TAX1BP1: variants seen among roughly 807,000 people sequenced by gnomAD.
TAX1BP1 encodes the protein tax1-binding protein 1.
TAX1BP1 carries 62 observed loss-of-function variants against 97.7 expected under a neutral mutation model. The ratio of observed to expected loss-of-function variants is 0.63; its 90% CI spans 0.52 to 0.78. TAX1BP1 has a LOEUF of 0.78. TAX1BP1 is among the 30% of genes least tolerant of loss of function. The pLI is 0.00. For synonymous variants in TAX1BP1, 340 were observed against 304.2 expected (o/e 1.12, Z -1.23); for missense variants, 867 against 916.1 (o/e 0.95, Z 0.69).
At chr7:27,803,669 G>T (rs1306966709) in intron 13 of TAX1BP1, among the ~76,000 whole-genome samples, 1 of 151,880 alleles carries the variant, frequency 6.6e-6, no homozygotes, top group Non-Finnish European at 1.5e-5. Flanking sequence ...TCACCACCAT[G>T]TGCTCACAGT....
At chr7:27,771,645 T>C (rs1325043351) in intron 5 of TAX1BP1, among the ~76,000 whole-genome samples, 1 of 151,966 alleles carries the variant, frequency 6.6e-6, no homozygotes, top group Admixed American at 6.6e-5. Context: ...GAAGCAAAAC[T>C]TGTAGGACAT....
At chr7:27,751,094 T>C (rs1224802099) in intron 2 of TAX1BP1, among the ~76,000 whole-genome samples, 1 of 152,244 alleles carries the variant, frequency 6.6e-6, no homozygotes, top group Non-Finnish European at 1.5e-5. Flanking sequence ...GCTTCAGTTT[T>C]GGTCATTCCT....
At chr7:27,768,518 C>CTATG (rs1788726496) in intron 4 of TAX1BP1, among the ~76,000 whole-genome samples, 2 of 151,746 alleles carry the variant, frequency 1.3e-5, no homozygotes, top group South Asian at 4.2e-4. Flanking sequence ...CTATGTTGTG[C>CTATG]TATGTCAAGA....
intron 8 of TAX1BP1, among the ~76,000 whole-genome samples, chr7:27,789,078 G>A (rs1342423839): frequency 6.6e-6 from 1 of 151,954 alleles, no homozygotes; most frequent in Non-Finnish European, 1.5e-5. Context: ...GTACACACCA[G>A]TGTTTTCACA....
intron 13 of TAX1BP1, among the ~76,000 whole-genome samples, chr7:27,814,156 T>C (rs1790673778): frequency 6.6e-6 from 1 of 151,856 alleles, no homozygotes; most frequent in South Asian, 2.1e-4. Flanking sequence ...TTAACCTTTC[T>C]TTTTTTTCTG....
chr7:27,785,609 T>C lies in TAX1BP1; in HGVS notation c.852+120T>C. On this transcript the variant is annotated intron_variant, in intron 7 of 16. Transcript: ENST00000396319. ...GCTGAGTGGTTCTGGCTCTAGCCTC[T>C]TGTGTAGTTGCAGTCAGGATGTTGG... 3 of 768,730 alleles carry C rather than the reference T, an allele frequency of 3.9e-6. No individual in the cohort carries two copies. The South Asian group carries it at 5.5e-5, about 14-fold the overall frequency. The allele number at this position is 768,730 out of a possible 1,614,324, so 47.6% of individuals were successfully genotyped here. A position where few individuals can be genotyped will look rare whatever the true frequency, so the allele number is the denominator to read the frequency against.
Position 27,799,995 on chromosome 7 carries a change from G to C in TAX1BP1, c.1669G>C (p.Asp557His). The change falls in exon 13 of 17, where the codon GAT becomes CAT. Residue 557 changes from aspartate to histidine, a missense_variant. Transcript: ENST00000396319. ...DEKAKCNKYA[D>H]ELAKMELKWK... ...GAAAGCAAAATGCAATAAATATGCT[G>C]ATGAACTTGCAAAAATGGAGCTGAA... 1 of 1,602,076 alleles carries C rather than the reference G, an allele frequency of 6.2e-7. No homozygotes were observed. Among genetic ancestry groups the C allele is most frequent in the South Asian group, 1.1e-5 (1 of 87,962 alleles).
At chr7:27,746,268 A>G (rs1787811973) in intron 1 of TAX1BP1, among the ~76,000 whole-genome samples, 2 of 152,120 alleles carry the variant, frequency 1.3e-5, no homozygotes, top group Admixed American at 1.3e-4. Flanking sequence ...CACTTCATAG[A>G]AAAATATTAT....
At chr7:27,775,235 A>G (rs913542304) in intron 5 of TAX1BP1, among the ~76,000 whole-genome samples, 2 of 152,164 alleles carry the variant, frequency 1.3e-5, no homozygotes, top group Non-Finnish European at 2.9e-5. Context: ...AAATTGTGGG[A>G]AAAAATCAGC....
At chr7:27,827,330 G>T (rs996086708) in intron 15 of TAX1BP1, among the ~76,000 whole-genome samples, 3 of 151,618 alleles carry the variant, frequency 2.0e-5, no homozygotes, top group Admixed American at 2.0e-4. Context: ...TCCAGCCTGG[G>T]TGACAGAGTG....
intron 1 of TAX1BP1, among the ~76,000 whole-genome samples, chr7:27,746,437 A>G (rs369018439): frequency 7.2e-6 from 1 of 138,182 alleles, no homozygotes; most frequent in African/African-American, 2.7e-5. Context: ...TTCCTTTGTG[A>G]AGCCAGTGAC....
intron 13 of TAX1BP1, among the ~76,000 whole-genome samples, chr7:27,810,180 T>TA (rs1476506002): frequency 1.3e-5 from 2 of 152,108 alleles, no homozygotes; most frequent in African/African-American, 4.8e-5. Flanking sequence ...GTGCTGGGAT[T>TA]ACAGGCGTGA....
At position 27,793,933 on chromosome 7, in the gene TAX1BP1, C is replaced by G. The variant is rs567474710; in HGVS notation, c.1411-390C>G. On this transcript the variant is annotated intron_variant, in intron 10 of 16. Coordinates refer to ENST00000396319, the MANE Select transcript of TAX1BP1 (RefSeq NM_006024.7). Reference sequence around the variant, plus strand: ...ACTTTTTTAAATCAGAGGAGACAAGCAAGGAATGCATGTAGTAAAGTAGGA... The same window carrying G: ...ACTTTTTTAAATCAGAGGAGACAAGGAAGGAATGCATGTAGTAAAGTAGGA... Among the ~76,000 whole-genome samples, 6 of 152,260 alleles carry G rather than the reference C, an allele frequency of 3.9e-5. No homozygotes were observed. The East Asian group carries it at 1.2e-3, about 29-fold the overall frequency.
At chr7:27,792,387 T>C (rs1562725128) in intron 9 of TAX1BP1, among the ~76,000 whole-genome samples, 157 bp downstream of exon 9, 2 of 152,238 alleles carry the variant, frequency 1.3e-5, no homozygotes, top group Non-Finnish European at 2.9e-5. Flanking sequence ...ACTTCTTGGC[T>C]TACAGTTAAT....
intron 15 of TAX1BP1, among the ~76,000 whole-genome samples, chr7:27,824,597 G>A (rs187884058): frequency 2.6e-4 from 39 of 151,562 alleles, no homozygotes; most frequent in Non-Finnish European, 4.3e-4. Flanking sequence ...GTCCAAGGTG[G>A]TCGTATGCTT....
Position 27,785,282 on chromosome 7 carries a change from A to G in TAX1BP1, c.732A>G (p.Lys244=). ...LEEDIVSVTH[K]AIEKETELDS... ...AAGATATTGTGTCAGTAACACATAA[A>G]GCAATTGAAAAAGAAACCGAATTAG... The change falls in exon 6 of 17, where the codon AAA becomes AAG. Residue 244 remains lysine, a synonymous_variant. Transcript: ENST00000396319. 1.2e-6 allele frequency: 2 copies of G among 1,611,378 alleles called. No homozygotes were observed. The highest frequency in any genetic ancestry group is 1.7e-6 in the Non-Finnish European group (2 of 1,179,054).
chr7:27,816,033 A>AG (rs1790755200), intron 13 of TAX1BP1, among the ~76,000 whole-genome samples: 1 of 152,178 alleles, frequency 6.6e-6, no homozygotes, highest in African/African-American at 2.4e-5. Context: ...CTCAAAAAAA[A>AG]AGACTTTTTA....
intron 2 of TAX1BP1, among the ~76,000 whole-genome samples, chr7:27,753,901 G>A (rs1374354157): frequency 6.6e-6 from 1 of 151,886 alleles, no homozygotes; most frequent in African/African-American, 2.4e-5. Flanking sequence ...GATAAAGGAT[G>A]ACTACTGTAG....
rs955919351 is a variant in TAX1BP1 at position 27,785,164 on chromosome 7, G to A, written c.614G>A (p.Gly205Asp). Residue 205 changes from glycine (G) to aspartate (D), a missense_variant and splice_region_variant, in exon 6 of 17, where the codon GGT becomes GAT. Transcript: ENST00000396319. ...AAATACCTTGTTGTCACTTCTCAGG[G>A]TCTTACTGAAGTAACACAAAGCTTA... ...RCDQLQAEQKGLTEVTQSLKM... is the reference protein window; with the variant it reads ...RCDQLQAEQKDLTEVTQSLKM... 3 of 1,604,848 alleles carry A rather than the reference G, an allele frequency of 1.9e-6. No homozygotes were observed. The highest frequency in any genetic ancestry group is 2.5e-6 in the Non-Finnish European group (3 of 1,177,260).
Sources: allele counts gnomAD v4.1 joint callset (sites outside exome capture counted in the v4.1 genomes callset), GRCh38; gene constraint gnomAD v4.1.1; transcripts MANE v1.5; gene names NCBI Gene and HGNC (gene_info 2026-07-23, HGNC 2026-07-21).